Variants in FRMD6 observed in about 807,000 individuals in gnomAD.
FRMD6 encodes the protein FERM domain-containing protein 6.
A neutral mutation model predicts 73.2 loss-of-function variants in FRMD6; 37 were observed. The ratio of observed to expected loss-of-function variants is 0.51; its 90% CI spans 0.39 to 0.66. The LOEUF is 0.66. Among genes scored for constraint, FRMD6 ranks in the 30% least tolerant of loss-of-function variants. The probability of loss-of-function intolerance (pLI) is 0.00; values close to 1 mark genes in which losing one functional copy is unlikely to be tolerated. For missense variants in FRMD6, 714 were observed against 780.5 expected (o/e 0.91, Z 1.02); for synonymous variants, 273 against 282.2 (o/e 0.97, Z 0.33).
chr14:51,453,208 G>A, the FRMD6 span, among the ~76,000 whole-genome samples: 237 of 152,250 alleles, frequency 1.6e-3, 2 homozygotes, highest in Middle Eastern at 3.4e-3. Context: ...AATGCATCAG[G>A]GACCCTGGGG....
chr14:51,430,690 C>T, the FRMD6 span, among the ~76,000 whole-genome samples: 39 of 152,220 alleles, frequency 2.6e-4, no homozygotes, highest in Non-Finnish European at 4.3e-4. Flanking sequence ...GAGAACATAT[C>T]TCTCATCTTT....
At chr14:51,557,350 G>C (rs1382509000) in intron 1 of FRMD6, among the ~76,000 whole-genome samples, 3 of 151,914 alleles carry the variant, frequency 2.0e-5, no homozygotes, top group Non-Finnish European at 2.9e-5. Flanking sequence ...CAATGACATG[G>C]ATGAACCTGG....
chr14:51,670,747 G>A (rs1893946983), intron 1 of FRMD6, among the ~76,000 whole-genome samples: 1 of 151,792 alleles, frequency 6.6e-6, no homozygotes, highest in Admixed American at 6.6e-5. Context: ...CTGGGTTCAA[G>A]CGATTCTCCT....
chr14:51,502,457 T>G (rs940196495), intron 1 of FRMD6, among the ~76,000 whole-genome samples: 2 of 152,222 alleles, frequency 1.3e-5, no homozygotes, highest in South Asian at 2.1e-4. Context: ...AAATAGGGAG[T>G]CTTTTCCCCA....
At chr14:51,433,610 C>T in the FRMD6 span, among the ~76,000 whole-genome samples, 3 of 151,986 alleles carry the variant, frequency 2.0e-5, no homozygotes, top group South Asian at 2.1e-4. Flanking sequence ...GCTAACCCGA[C>T]GGGGAATAAT....
At chr14:51,671,918 A>G (rs1026229738) in intron 1 of FRMD6, among the ~76,000 whole-genome samples, 4 of 152,224 alleles carry the variant, frequency 2.6e-5, no homozygotes, top group Non-Finnish European at 5.9e-5. Flanking sequence ...AGCTTACACA[A>G]TCAGAACTGA....
At chr14:51,698,832 CTTAG>C (rs961034898) in intron 3 of FRMD6, among the ~76,000 whole-genome samples, 1 of 151,914 alleles carries the variant, frequency 6.6e-6, no homozygotes, top group African/African-American at 2.4e-5. Context: ...CTCATAACAC[CTTAG>C]TTAGAGTTAA....
upstream of FRMD6, among the ~76,000 whole-genome samples, chr14:51,486,946 T>G (rs530577276): frequency 9.2e-5 from 14 of 152,210 alleles, no homozygotes; most frequent in African/African-American, 2.9e-4. Flanking sequence ...GTTTTTTTTT[T>G]TTTGTTTTTG....
chr14:51,515,563 C>G (rs1037173780), intron 1 of FRMD6, among the ~76,000 whole-genome samples: 4 of 152,198 alleles, frequency 2.6e-5, no homozygotes, highest in African/African-American at 9.7e-5. Flanking sequence ...CTCCATGTCA[C>G]CTGGGCCTAC....
chr14:51,419,951 C>T, the FRMD6 span, among the ~76,000 whole-genome samples: 4,500 of 152,096 alleles, frequency 0.03, 159 homozygotes, highest in African/African-American at 0.077. Context: ...TAGGTGTGGT[C>T]ATGGGACTTC....
chr14:51,536,996 ATTGG>A (rs1212032614), intron 1 of FRMD6, among the ~76,000 whole-genome samples: 2 of 151,820 alleles, frequency 1.3e-5, no homozygotes, highest in Non-Finnish European at 2.9e-5. Context: ...AGAGTGGTAC[ATTGG>A]TTAAGACTGA....
At chr14:51,454,304 T>C in the FRMD6 span, among the ~76,000 whole-genome samples, 2 of 152,238 alleles carry the variant, frequency 1.3e-5, no homozygotes, top group African/African-American at 4.8e-5. Context: ...TGTATGTCCT[T>C]TGTAAACATT....
chr14:51,640,688 T>C (rs1425728958), intron 2 of FRMD6, among the ~76,000 whole-genome samples: 3 of 152,216 alleles, frequency 2.0e-5, no homozygotes, highest in Non-Finnish European at 4.4e-5. Context: ...AATAAAAGTA[T>C]AAAAATAAGA....
intron 1 of FRMD6, among the ~76,000 whole-genome samples, chr14:51,504,824 G>T (rs1282772881): frequency 6.6e-6 from 1 of 152,216 alleles, no homozygotes; most frequent in Non-Finnish European, 1.5e-5. Context: ...AACAGAGTGG[G>T]CTACAGTTGC....
chr14:51,664,484 A>G (rs543587962), intron 1 of FRMD6, among the ~76,000 whole-genome samples: 39 of 152,378 alleles, frequency 2.6e-4, no homozygotes, highest in African/African-American at 7.9e-4. Context: ...ATGCTAACAC[A>G]TAGGCCTTTA....
intron 8 of FRMD6, among the ~76,000 whole-genome samples, chr14:51,712,185 G>A (rs1163109093): frequency 6.6e-6 from 1 of 152,162 alleles, no homozygotes; most frequent in Non-Finnish European, 1.5e-5. Flanking sequence ...GAAAGTCTGA[G>A]CGCCTTATTG....
intron 1 of FRMD6, among the ~76,000 whole-genome samples, chr14:51,549,147 C>T (rs1886638920): frequency 1.3e-5 from 2 of 152,030 alleles, no homozygotes; most frequent in African/African-American, 4.8e-5. Flanking sequence ...CTTTGGATTC[C>T]CAGCACCTAG....
intron 1 of FRMD6, among the ~76,000 whole-genome samples, chr14:51,531,462 C>T (rs1312727052): frequency 6.6e-6 from 1 of 152,160 alleles, no homozygotes; most frequent in African/African-American, 2.4e-5. Context: ...ATCACAGCCA[C>T]AAGGAGAAAT....
chr14:51,427,097 T>G, the FRMD6 span, among the ~76,000 whole-genome samples: 1 of 152,220 alleles, frequency 6.6e-6, no homozygotes, highest in Non-Finnish European at 1.5e-5. Flanking sequence ...TTCTGAGACC[T>G]AGTAGGTATA....
Sources: allele counts gnomAD v4.1 joint callset (sites outside exome capture counted in the v4.1 genomes callset), GRCh38; gene constraint gnomAD v4.1.1; transcripts MANE v1.5; gene names NCBI Gene and HGNC (gene_info 2026-07-23, HGNC 2026-07-21).